SMARCA4: variants seen among roughly 807,000 people sequenced by gnomAD.
SMARCA4 encodes SWI/SNF related BAF chromatin remodeling complex subunit ATPase 4.
Under a neutral mutation model 193.9 loss-of-function variants are expected in SMARCA4, and 31 were observed. That is an observed-to-expected ratio of 0.16 (90% confidence interval 0.12 to 0.22). SMARCA4 has a LOEUF of 0.22. Among genes scored for constraint, SMARCA4 ranks in the 10% least tolerant of loss-of-function variants. SMARCA4 has a pLI of 1.00. For synonymous variants in SMARCA4, 942 were observed against 933.1 expected (o/e 1.01, Z -0.17); for missense variants, 1,148 against 2,296.0 (o/e 0.50, Z 10.22).
chr19:11,028,087 C>A, intron 24 of SMARCA4, 137 bp downstream of exon 24: 2 of 935,234 alleles, frequency 2.1e-6, no homozygotes, highest in Non-Finnish European at 1.7e-6. Flanking sequence ...GTGGGCCTAG[C>A]CACAGGCTGA....
At chr19:11,002,245 C>T (rs1225963285) in intron 11 of SMARCA4, among the ~76,000 whole-genome samples, 1 of 152,016 alleles carries the variant, frequency 6.6e-6, no homozygotes, top group South Asian at 2.1e-4. Context: ...CTTGGGAGGC[C>T]GAGGCGGGCA....
At chr19:11,059,095 C>A in intron 32 of SMARCA4, 2 of 550,714 alleles carry the variant, frequency 3.6e-6, no homozygotes, top group Non-Finnish European at 6.5e-6. Flanking sequence ...GGCAACATAA[C>A]AAGACCCTGT....
intron 1 of SMARCA4, among the ~76,000 whole-genome samples, 176 bp from the exon 2 acceptor site, chr19:10,983,945 A>G (rs1326094515): frequency 1.3e-5 from 2 of 151,982 alleles, no homozygotes; most frequent in Non-Finnish European, 2.9e-5. Context: ...TGTGTGCCTG[A>G]GATGTAGGAC....
chr19:11,023,183 C>T (rs2089999143), intron 19 of SMARCA4, among the ~76,000 whole-genome samples: 1 of 152,158 alleles, frequency 6.6e-6, no homozygotes, highest in African/African-American at 2.4e-5. Flanking sequence ...TGGGGTGGGT[C>T]TGTGGACACT....
Position 11,041,612 on chromosome 19 carries a change from G to A in SMARCA4, c.4424+52G>A, listed in dbSNP as rs2146826315. On this transcript the variant is annotated intron_variant, in intron 30 of 34. Transcript: ENST00000344626. This position sits in a 1 kb window ranked among gnomAD's most constrained non-coding sequence, Gnocchi z 5.6. ...GGCTGTAGGGGTCCCCGTGGGAGCA[G>A]GCCTGGCATCTGCACTCTGACTCTG... is the stretch of plus-strand genomic sequence containing the variant. The A allele has an allele frequency of 6.4e-7, 1 of 1,559,210 alleles. No homozygotes were observed. The highest frequency in any genetic ancestry group is 8.8e-7 in the Non-Finnish European group (1 of 1,138,818).
chr19:11,042,636 C>G (rs1326558087), intron 30 of SMARCA4, among the ~76,000 whole-genome samples: 1 of 152,140 alleles, frequency 6.6e-6, no homozygotes, highest in African/African-American at 2.4e-5. Flanking sequence ...AGAATCTTAC[C>G]AAGTGTGAAG....
In SMARCA4 at chr19:11,058,682, A is replaced by G; in HGVS notation, c.4534-106A>G. 1.0e-6 allele frequency: 1 copy of G among 962,238 alleles called. No homozygotes were observed. Among genetic ancestry groups the G allele is most frequent in the South Asian group, 1.3e-5 (1 of 75,410 alleles). The allele number at this position is 962,238 out of a possible 1,614,324, so 59.6% of individuals were successfully genotyped here. On this transcript the variant is annotated intron_variant, in intron 31 of 34. Coordinates refer to ENST00000344626, the MANE Select transcript of SMARCA4 (RefSeq NM_003072.5). The surrounding 1 kb of genome is among the most constrained non-coding windows in gnomAD (Gnocchi z 5.8). ...AGGCTGGCGCTTCGGCCACATCCTC[A>G]TAGGCACGAGGAATCCTAGCCCGTG...
chr19:10,982,502 CT>C (rs111316449), intron 1 of SMARCA4, among the ~76,000 whole-genome samples: 5,523 of 143,556 alleles, frequency 0.038, 115 homozygotes, highest in Middle Eastern at 0.051. Context: ...AAAAATAGAA[CT>C]TTTTTTTTTT....
chr19:10,965,624 C>T (rs1170398708), intron 1 of SMARCA4, among the ~76,000 whole-genome samples: 1 of 152,088 alleles, frequency 6.6e-6, no homozygotes, highest in African/African-American at 2.4e-5. Flanking sequence ...TGCTTACACA[C>T]GTCTAGATGG....
In SMARCA4 at chr19:10,985,394, A is replaced by G. The variant is rs1268937748; in HGVS notation, c.344A>G (p.Gln115Arg). Residue 115 changes from glutamine (Q) to arginine (R), a missense_variant, in exon 3 of 35, where the codon CAG becomes CGG. Physicochemically the swap from Gln to Arg is conservative, Grantham distance 43. This residue lies in a region of SMARCA4 where 201 missense variants were observed against 248.3 expected (regional missense o/e 0.81). Coordinates refer to ENST00000344626, the MANE Select transcript of SMARCA4 (RefSeq NM_003072.5). The surrounding 1 kb of genome is among the most constrained non-coding windows in gnomAD (Gnocchi z 4.5). Reference protein sequence around the residue: ...GMGPPPSPMDQHSQGYPSPLG... With the variant: ...GMGPPPSPMDRHSQGYPSPLG... ...GGGCCCCCGCCCAGCCCCATGGACC[A>G]GCACTCCCAAGGTACAGAACTGCGT... The G allele has an allele frequency of 6.2e-7, 1 of 1,613,772 alleles. No homozygotes were observed. The highest frequency in any genetic ancestry group is 8.5e-7 in the Non-Finnish European group (1 of 1,179,978).
rs747185602 is a variant in SMARCA4 at position 10,984,315 on chromosome 19, C to T, written c.164C>T (p.Pro55Leu). 1.9e-6 allele frequency: 3 copies of T among 1,605,418 alleles called. No individual in the cohort carries two copies. Among genetic ancestry groups the T allele is most frequent in the Non-Finnish European group, 2.6e-6 (3 of 1,176,360 alleles). The change falls in exon 2 of 35, where the codon CCC becomes CTC. Residue 55 changes from proline to leucine, a missense_variant. By Grantham distance (98) the Pro-to-Leu change is moderately conservative. Around this residue, in one of 17 missense-constraint regions of SMARCA4, gnomAD observed 201 missense variants for 248.3 expected, o/e 0.81. Transcript: ENST00000344626. The surrounding 1 kb of genome is among the most constrained non-coding windows in gnomAD (Gnocchi z 4.3). ...CCAGGGCCGCCCTCAGCAGGACACC[C>T]CATCCCCACCCAGGGGCCTGGAGGG... ...PSPGPPSAGHPIPTQGPGGYP... is the reference protein window; with the variant it reads ...PSPGPPSAGHLIPTQGPGGYP...
chr19:11,044,936 G>A (rs893757972), intron 30 of SMARCA4, among the ~76,000 whole-genome samples: 8 of 152,144 alleles, frequency 5.3e-5, no homozygotes, highest in Admixed American at 2.0e-4. Flanking sequence ...AGGCCTAATC[G>A]TACAGGGCCC....
In SMARCA4 at chr19:11,041,037, T is replaced by G. The variant is rs1343307731; in HGVS notation, c.4171-270T>G. 4.0e-6 allele frequency: 2 copies of G among 502,002 alleles called. No homozygotes were observed. Among genetic ancestry groups the G allele is most frequent in the Non-Finnish European group, 3.5e-6 (1 of 283,182 alleles). The allele number at this position is 502,002 out of a possible 1,614,324, so 31.1% of individuals were successfully genotyped here. A position where few individuals can be genotyped will look rare whatever the true frequency, so the allele number is the denominator to read the frequency against. ...TTCTTTTCTGTACAGAGAAGATAGT[T>G]CTTTTTTTTTGGTCAAGAAATTCAA... On this transcript the variant is annotated intron_variant, in intron 29 of 34. Transcript: ENST00000344626. This position sits in a 1 kb window ranked among gnomAD's most constrained non-coding sequence, Gnocchi z 5.6.
chr19:11,055,480 G>A (rs999266213), intron 30 of SMARCA4, among the ~76,000 whole-genome samples: 8 of 151,390 alleles, frequency 5.3e-5, no homozygotes, highest in Admixed American at 4.6e-4. Flanking sequence ...GAGCCACTGC[G>A]CCCAGCCGCA....
chr19:11,058,375 G>T lies in SMARCA4; in HGVS notation c.4533+12G>T. The T allele has an allele frequency of 1.3e-6, 2 of 1,563,578 alleles. No homozygotes were observed. The highest frequency in any genetic ancestry group is 1.8e-6 in the Non-Finnish European group (2 of 1,134,412). On this transcript the variant is annotated intron_variant, in intron 31 of 34. Transcript: ENST00000344626. The surrounding 1 kb of genome is among the most constrained non-coding windows in gnomAD (Gnocchi z 5.8). ...TCAAGAAGATAAAGGTAACCCTGACGTTGTACCTGCGCCCCGCATGTGCCC... is the reference window on the plus strand; with the variant it reads ...TCAAGAAGATAAAGGTAACCCTGACTTTGTACCTGCGCCCCGCATGTGCCC...
At position 11,062,111 on chromosome 19, in the gene SMARCA4, G is replaced by A. The variant is rs754482770; in HGVS notation, c.*295G>A. On this transcript the variant is annotated 3_prime_UTR_variant, in exon 35 of 35. Coordinates refer to ENST00000344626, the MANE Select transcript of SMARCA4 (RefSeq NM_003072.5). ...CTTTTCCGTTGCTGGCAGTACTGTT[G>A]CGCCGCAGTTTGGAGTCACTGTAGT... is the stretch of plus-strand genomic sequence containing the variant. 5 of 508,962 alleles carry A rather than the reference G, an allele frequency of 9.8e-6. No homozygotes were observed. The highest frequency in any genetic ancestry group is 1.8e-5 in the Non-Finnish European group (5 of 278,602). 31.5% of individuals were successfully genotyped at this position (508,962 alleles called of 1,614,324 possible). A position where few individuals can be genotyped will look rare whatever the true frequency, so the allele number is the denominator to read the frequency against.
rs1393254592 is a variant in SMARCA4, at chr19:11,055,875, C to A, written c.4425-2380C>A. 4.0e-5 allele frequency among the ~76,000 whole-genome samples: 6 copies of A among 151,856 alleles called. 1 individual carries two copies. Among genetic ancestry groups the A allele is most frequent in the Admixed American group, 3.9e-4 (6 of 15,236 alleles). The stretch of plus-strand genomic sequence containing the variant: ...TCCCAAAGTGCTGGGATTACAGGCA[C>A]GAGCCACCATATCTTTAAAAATGTA... On this transcript the variant is annotated intron_variant, in intron 30 of 34. Transcript: ENST00000344626.
chr19:10,996,130 G>T, intron 9 of SMARCA4, 83 bp from the exon 10 acceptor site: 1 of 1,439,474 alleles, frequency 6.9e-7, no homozygotes, highest in Non-Finnish European at 9.8e-7. Context: ...TGCCCTCAGT[G>T]CGCTTCTGGA....
In SMARCA4 at chr19:10,987,741, C is replaced by T. The variant is rs767826277; in HGVS notation, c.935C>T (p.Ser312Phe). The T allele has an allele frequency of 1.2e-6, 2 of 1,600,354 alleles. No homozygotes were observed. ...LIPPQPTGRPSPAPPAVPPAA... is the reference protein window; with the variant it reads ...LIPPQPTGRPFPAPPAVPPAA... ...CCCCCGCAGCCAACGGGCCGCCCTT[C>T]CCCCGCGCCCCCTGCCGTCCCACCC... Residue 312 changes from serine (S) to phenylalanine (F), a missense_variant, in exon 6 of 35, where the codon TCC (serine) becomes TTC (phenylalanine). Physicochemically the swap from Ser to Phe is radical, Grantham distance 155. This residue lies in a region of SMARCA4 where 257 missense variants were observed against 276.5 expected (regional missense o/e 0.93). Transcript: ENST00000344626. The surrounding 1 kb of genome is among the most constrained non-coding windows in gnomAD (Gnocchi z 5.3).
Sources: allele counts gnomAD v4.1 joint callset (sites outside exome capture counted in the v4.1 genomes callset), GRCh38; gene constraint gnomAD v4.1.1; regional missense constraint gnomAD v4.1.1; non-coding constraint Gnocchi (gnomAD v3.1); transcripts MANE v1.5; gene names NCBI Gene and HGNC (gene_info 2026-07-23, HGNC 2026-07-21).